The following SPATS1 variants were observed in gnomAD, a reference collection of about 807,000 sequenced individuals.
The protein encoded by SPATS1 is spermatogenesis associated serine rich 1.
In SPATS1, 23 loss-of-function variants were observed where a neutral mutation model predicts 33.6. The observed-to-expected ratio is 0.68, with a 90% CI of 0.49 to 0.97. The LOEUF (loss-of-function observed/expected upper bound fraction) is 0.97. Among genes scored for constraint, SPATS1 ranks in the 50% least tolerant of loss-of-function variants. The pLI is 0.00. For missense variants in SPATS1, 327 were observed against 361.0 expected, an observed-to-expected ratio of 0.91 and a Z score of 0.76; for synonymous variants, 131 against 125.6, an observed-to-expected ratio of 1.04 and a Z score of -0.29.
intron 2 of SPATS1, among the ~76,000 whole-genome samples, chr6:44,346,845 TACCATTTG>T (rs1428642026): frequency 6.6e-6 from 1 of 152,176 alleles, no homozygotes; most frequent in Admixed American, 6.5e-5. Flanking sequence ...GAACTAGAAA[TACCATTTG>T]ACCCAGCAAT....
chr6:44,352,951 G>A, intron 3 of SPATS1, 78 bp downstream of exon 3: 1 of 1,475,820 alleles, frequency 6.8e-7, no homozygotes, highest in Non-Finnish European at 9.3e-7. Context: ...GAGGTAGCAT[G>A]GTATGCTTGG....
chr6:44,358,145 A>T (rs147394506), intron 3 of SPATS1, among the ~76,000 whole-genome samples: 6 of 152,324 alleles, frequency 3.9e-5, no homozygotes, highest in Non-Finnish European at 5.9e-5. Context: ...GCACTGAGTT[A>T]TTGGTCCTAC....
intron 5 of SPATS1, 62 bp downstream of exon 5, chr6:44,362,054 A>G (rs1259411375): frequency 3.7e-6 from 6 of 1,601,344 alleles, no homozygotes; most frequent in Admixed American, 3.3e-5. Context: ...TCGTGATTCT[A>G]TAGGCCCTGC....
intron 7 of SPATS1, among the ~76,000 whole-genome samples, chr6:44,373,703 T>C (rs1789763397): frequency 6.6e-6 from 1 of 152,200 alleles, no homozygotes; most frequent in Admixed American, 6.5e-5. Flanking sequence ...CCAAGTCTTC[T>C]CTAGTTAGTG....
intron 3 of SPATS1, 75 bp from the exon 4 acceptor site, chr6:44,360,371 T>C: frequency 6.3e-7 from 1 of 1,591,792 alleles, no homozygotes; most frequent in Non-Finnish European, 8.6e-7. Flanking sequence ...AGGGCAATTC[T>C]AGGGTAAACT....
chr6:44,349,204 C>T (rs1788086519), intron 2 of SPATS1, among the ~76,000 whole-genome samples: 1 of 141,966 alleles, frequency 7.0e-6, no homozygotes, highest in African/African-American at 2.6e-5. Flanking sequence ...GAGGCTGAGG[C>T]AGGAGAATTG....
intron 2 of SPATS1, among the ~76,000 whole-genome samples, chr6:44,343,916 A>G (rs1301674192): frequency 6.6e-6 from 1 of 152,218 alleles, no homozygotes; most frequent in Non-Finnish European, 1.5e-5. Flanking sequence ...TTGCGGGATC[A>G]GATCTTAGCT....
intron 2 of SPATS1, among the ~76,000 whole-genome samples, chr6:44,346,597 T>C (rs1322265442): frequency 6.6e-6 from 1 of 152,172 alleles, no homozygotes; most frequent in African/African-American, 2.4e-5. Context: ...TTGCCTAGGC[T>C]GGTCTTGAAC....
At chr6:44,359,516 C>T (rs1788779164) in intron 3 of SPATS1, among the ~76,000 whole-genome samples, 1 of 152,098 alleles carries the variant, frequency 6.6e-6, no homozygotes, top group Admixed American at 6.6e-5. Context: ...GCTTATTTTA[C>T]TTAGCATAAT....
At chr6:44,370,365 T>A (rs1316946351) in intron 7 of SPATS1, among the ~76,000 whole-genome samples, 1 of 152,170 alleles carries the variant, frequency 6.6e-6, no homozygotes, top group East Asian at 1.9e-4. Flanking sequence ...AGCCATGCAC[T>A]ATAGGAGAGT....
chr6:44,361,469 A>G (rs183602846), intron 4 of SPATS1: 3 of 985,308 alleles, frequency 3.0e-6, no homozygotes, highest in Admixed American at 1.2e-4. Flanking sequence ...ATGGCATTCT[A>G]TTTTTCCTAC....
At chr6:44,347,616 T>A (rs1235484988) in intron 2 of SPATS1, among the ~76,000 whole-genome samples, 1 of 152,206 alleles carries the variant, frequency 6.6e-6, no homozygotes, top group Non-Finnish European at 1.5e-5. Flanking sequence ...TTAATTTCAA[T>A]TTTTACATTC....
rs144835350 is a variant in SPATS1, at chr6:44,371,366, A to G, written c.758+1253A>G. ...CCTCTGTGCTATGGTCAATAAGACAATTGTGAGACTTGGACCCTTTCCTCA... is the reference window on the plus strand; with the variant it reads ...CCTCTGTGCTATGGTCAATAAGACAGTTGTGAGACTTGGACCCTTTCCTCA... On this transcript the variant is annotated intron_variant, in intron 7 of 8. Transcript: ENST00000674044. Among the ~76,000 whole-genome samples, 9 of 152,224 alleles carry G rather than the reference A, an allele frequency of 5.9e-5. No homozygotes were observed. The East Asian group carries it at 1.5e-3, about 26-fold the overall frequency.
At chr6:44,358,511 G>A (rs1385095007) in intron 3 of SPATS1, among the ~76,000 whole-genome samples, 1 of 151,914 alleles carries the variant, frequency 6.6e-6, no homozygotes, top group Non-Finnish European at 1.5e-5. Flanking sequence ...TGCATTTAAT[G>A]GTTTTATTAA....
rs956218046 is a variant in SPATS1, at chr6:44,375,668, G to A, written c.759-690G>A. ...CTACTAAAAATACAAAAATTAGCTG[G>A]GCGTGGTGTCATGTGCCTGTAGTCC... On this transcript the variant is annotated intron_variant, in intron 7 of 8. Coordinates refer to ENST00000674044, the MANE Select transcript of SPATS1 (RefSeq NM_001372081.1). Among the ~76,000 whole-genome samples, 3 of 152,092 alleles carry A rather than the reference G, an allele frequency of 2.0e-5. No homozygotes were observed. The South Asian group carries it at 6.2e-4, about 32-fold the overall frequency.
intron 2 of SPATS1, among the ~76,000 whole-genome samples, chr6:44,349,645 A>C (rs1215634881): frequency 6.6e-6 from 1 of 152,218 alleles, no homozygotes. Context: ...ATGCTATTAC[A>C]ATTGATGGTG....
chr6:44,363,272 G>A (rs892264517), intron 5 of SPATS1, among the ~76,000 whole-genome samples: 1 of 152,030 alleles, frequency 6.6e-6, no homozygotes, highest in Non-Finnish European at 1.5e-5. Context: ...CAGCCTCTAA[G>A]TTGCTGGGAC....
rs1015191671 is a variant in SPATS1, at chr6:44,343,294, C to T, written c.139+60C>T. On this transcript the variant is annotated intron_variant, in intron 2 of 8. Coordinates refer to ENST00000674044, the MANE Select transcript of SPATS1 (RefSeq NM_001372081.1). Reference sequence around the variant, plus strand: ...TGGCCACATCCAAGTATACTACACCCGGGGGCGGGGGCAGGTGGGGGGCAC... The same window carrying T: ...TGGCCACATCCAAGTATACTACACCTGGGGGCGGGGGCAGGTGGGGGGCAC... The T allele has an allele frequency of 1.5e-5, 21 of 1,435,622 alleles. No individual in the cohort carries two copies. In the Admixed American group the frequency reaches 2.3e-4, roughly 16 times the overall value. The allele number at this position is 1,435,622 out of a possible 1,614,324, so 88.9% of individuals were successfully genotyped here.
rs1210126572 is a variant in SPATS1, at chr6:44,352,600, C to T, written c.140-126C>T. The T allele has an allele frequency of 7.5e-6, 6 of 798,092 alleles. No homozygotes were observed. The African/African-American group carries it at 8.7e-5, about 12-fold the overall frequency. The allele number at this position is 798,092 out of a possible 1,614,324, so 49.4% of individuals were successfully genotyped here. A position where few individuals can be genotyped will look rare whatever the true frequency, so the allele number is the denominator to read the frequency against. On this transcript the variant is annotated intron_variant, in intron 2 of 8. Coordinates refer to ENST00000674044, the MANE Select transcript of SPATS1 (RefSeq NM_001372081.1). The stretch of plus-strand genomic sequence containing the variant: ...TATGTGTAAAGGTGTTGACATAATC[C>T]TCAGTGCACAGTAAATGTTCAATAA...
Sources: gnomAD v4.1 joint callset for allele counts (sites outside exome capture counted in the v4.1 genomes callset) on GRCh38, gnomAD v4.1.1 for gene constraint, MANE v1.5 for transcripts, NCBI Gene and HGNC (gene_info 2026-07-23, HGNC 2026-07-21) for gene names.